Variants in WDR43 observed in about 807,000 individuals in gnomAD.
WDR43 encodes the protein WD repeat-containing protein 43.
A neutral mutation model predicts 91.4 loss-of-function variants in WDR43; 13 were observed. The ratio of observed to expected loss-of-function variants is 0.14; its 90% confidence interval spans 0.09 to 0.23. The LOEUF is 0.23. Ranked by LOEUF, WDR43 falls within the 10% of genes least tolerant of loss-of-function variation. The pLI, the probability that WDR43 is intolerant of heterozygous loss-of-function variation, is 1.00. For missense variants in WDR43, 780 were observed against 809.4 expected (o/e 0.96, Z 0.44); for synonymous variants, 331 against 287.9 (o/e 1.15, Z -1.51).
At chr2:28,904,158 G>C (rs187946757) in intron 2 of WDR43, among the ~76,000 whole-genome samples, 1 of 151,962 alleles carries the variant, frequency 6.6e-6, no homozygotes, top group Non-Finnish European at 1.5e-5. Context: ...ATACATCTTC[G>C]ACAGGGATGA....
At chr2:28,933,914 T>C (rs925708392) in intron 11 of WDR43, among the ~76,000 whole-genome samples, 2 of 152,200 alleles carry the variant, frequency 1.3e-5, no homozygotes, top group African/African-American at 2.4e-5. Flanking sequence ...ATAACTACTT[T>C]GGAAAACAAT....
chr2:28,942,342 A>C lies in WDR43; in HGVS notation c.1765A>C (p.Thr589Pro), dbSNP rs774215345. The change falls in exon 16 of 18, where the codon ACT becomes CCT. Residue 589 changes from threonine (T) to proline (P), a missense_variant. Physicochemically the swap from Thr to Pro is conservative, Grantham distance 38. Around this residue, in one of 4 missense-constraint regions of WDR43, gnomAD observed 426 missense variants for 467.8 expected, o/e 0.91. Coordinates refer to ENST00000407426, the MANE Select transcript of WDR43 (RefSeq NM_015131.3). ...VTASEKTKGA[T>P]SPGQKAKLVY... ...AGCATCAGAGAAGACAAAGGGAGCA[A>C]CTTCCCCTGGACAGAAGGCAAAGTT... 2 of 1,613,582 alleles carry C rather than the reference A, an allele frequency of 1.2e-6. No individual in the cohort carries two copies. Among genetic ancestry groups the C allele is most frequent in the Non-Finnish European group, 8.5e-7 (1 of 1,179,690 alleles).
chr2:28,925,259 CT>C, intron 8 of WDR43, 106 bp downstream of exon 8: 1 of 1,123,742 alleles, frequency 8.9e-7, no homozygotes, highest in South Asian at 2.4e-5. Flanking sequence ...ATAATATATT[CT>C]TTTTTAATTA....
At position 28,912,609 on chromosome 2, in the gene WDR43, A is replaced by G. The variant is rs569248246; in HGVS notation, c.505A>G (p.Ser169Gly). The stretch of plus-strand genomic sequence containing the variant: ...ATATAGCAAATGGAAAGGCGACAAT[A>G]GCAGTGTCAGTTCCCTATGTATCAG... The part of the protein sequence containing the change: ...KVKCKWKGDN[S>G]SVSSLCISPD... Residue 169 changes from serine (S) to glycine (G), a missense_variant, in exon 4 of 18, where the codon AGC becomes GGC. By Grantham distance (56) the Ser-to-Gly change is moderately conservative (BLOSUM62 0). Around this residue, in one of 4 missense-constraint regions of WDR43, gnomAD observed 174 missense variants for 207.3 expected, o/e 0.84. Coordinates refer to ENST00000407426, the MANE Select transcript of WDR43 (RefSeq NM_015131.3). The G allele has an allele frequency of 8.7e-5, 141 of 1,613,934 alleles. No individual in the cohort carries two copies. Among genetic ancestry groups the G allele is most frequent in the Admixed American group, 7.3e-4 (44 of 60,018 alleles).
At chr2:28,934,912 G>A (rs982919889) in intron 11 of WDR43, among the ~76,000 whole-genome samples, 1 of 152,122 alleles carries the variant, frequency 6.6e-6, no homozygotes. Context: ...AAAGCATGTG[G>A]GGCTTGAAGA....
chr2:28,937,266 C>G (rs760231386), intron 13 of WDR43, among the ~76,000 whole-genome samples: 1 of 152,098 alleles, frequency 6.6e-6, no homozygotes, highest in Non-Finnish European at 1.5e-5. Context: ...GCTTAAGACT[C>G]TGTAAAAATA....
intron 4 of WDR43, chr2:28,913,572 AT>A (rs1482790904): frequency 1.1e-5 from 5 of 457,020 alleles, no homozygotes; most frequent in Middle Eastern, 3.5e-4. Flanking sequence ...TACATCCAGC[AT>A]TTAGTCCACT....
intron 1 of WDR43, among the ~76,000 whole-genome samples, chr2:28,899,761 T>A (rs2148177181): frequency 6.6e-6 from 1 of 152,344 alleles, no homozygotes; most frequent in African/African-American, 2.4e-5. Flanking sequence ...ACATTGGTTA[T>A]ATACACTTCT....
chr2:28,900,013 G>C (rs1214041464), intron 1 of WDR43, among the ~76,000 whole-genome samples: 1 of 152,068 alleles, frequency 6.6e-6, no homozygotes, highest in Non-Finnish European at 1.5e-5. Context: ...ACTATGTTAT[G>C]CTTGACATAG....
intron 7 of WDR43, 137 bp from the exon 8 acceptor site, chr2:28,924,845 C>T: frequency 1.1e-6 from 1 of 950,494 alleles, no homozygotes; most frequent in Admixed American, 2.6e-5. Context: ...TACTCATGCT[C>T]CGGAGACCCA....
At chr2:28,930,948 C>G (rs1199099568) in intron 11 of WDR43, among the ~76,000 whole-genome samples, 1 of 152,118 alleles carries the variant, frequency 6.6e-6, no homozygotes, top group African/African-American at 2.4e-5. Context: ...CCCCATTCAA[C>G]TTAAAACATC....
chr2:28,916,921 TTTGA>T (rs747049786), intron 5 of WDR43, among the ~76,000 whole-genome samples: 23 of 152,344 alleles, frequency 1.5e-4, no homozygotes, highest in African/African-American at 2.9e-4. Flanking sequence ...TGCATATGTT[TTTGA>T]TTGATTAACT....
At position 28,941,500 on chromosome 2, in the gene WDR43, T is replaced by C. The variant is rs1436400572; in HGVS notation, c.1660T>C (p.Leu554=). ...LVPQLGTLYQ[L]MESRVKTFQK... is the part of the protein sequence containing the mutation. ...ACCCCAGCTGGGGACACTCTACCAG[T>C]TAATGGAAAGCAGAGTCAAAACTTT... Residue 554 remains leucine (L), a synonymous_variant, in exon 15 of 18, where the codon TTA becomes CTA. Coordinates refer to ENST00000407426, the MANE Select transcript of WDR43 (RefSeq NM_015131.3). 1 of 1,613,560 alleles carries C rather than the reference T, an allele frequency of 6.2e-7. No individual in the cohort carries two copies. The highest frequency in any genetic ancestry group is 8.5e-7 in the Non-Finnish European group (1 of 1,179,788).
At chr2:28,913,936 A>G in intron 4 of WDR43, 133 bp from the exon 5 acceptor site, 1 of 1,031,024 alleles carries the variant, frequency 9.7e-7, no homozygotes, top group Non-Finnish European at 1.4e-6. Flanking sequence ...TTAGAATTGA[A>G]TTGAACAGTT....
At chr2:28,916,414 C>T (rs979877646) in intron 5 of WDR43, among the ~76,000 whole-genome samples, 1 of 152,064 alleles carries the variant, frequency 6.6e-6, no homozygotes, top group African/African-American at 2.4e-5. Context: ...TCCTCATCAA[C>T]ACTTGGTATA....
intron 1 of WDR43, among the ~76,000 whole-genome samples, chr2:28,901,457 A>G (rs1011573617): frequency 2.0e-5 from 3 of 152,246 alleles, no homozygotes; most frequent in African/African-American, 7.2e-5. Flanking sequence ...AGTTAAAGCT[A>G]TTTGTTGACT....
At chr2:28,901,956 A>T in intron 1 of WDR43, 31 bp from the exon 2 acceptor site, 2 of 1,572,390 alleles carry the variant, frequency 1.3e-6, no homozygotes, top group Non-Finnish European at 1.7e-6. Flanking sequence ...TTGCAATACT[A>T]AATAAAAACA....
intron 5 of WDR43, 78 bp downstream of exon 5, chr2:28,914,286 T>C (rs1670864723): frequency 1.4e-6 from 2 of 1,434,918 alleles, no homozygotes; most frequent in South Asian, 3.0e-5. Flanking sequence ...AAATTATGAA[T>C]ATGGGACTTT....
intron 6 of WDR43, among the ~76,000 whole-genome samples, chr2:28,921,896 TG>T (rs1671036238): frequency 6.6e-6 from 1 of 152,126 alleles, no homozygotes; most frequent in Admixed American, 6.5e-5. Context: ...GTATTTTTTG[TG>T]CAAATAGAGT....
Sources: allele counts gnomAD v4.1 joint callset (sites outside exome capture counted in the v4.1 genomes callset), GRCh38; gene constraint gnomAD v4.1.1; regional missense constraint gnomAD v4.1.1; transcripts MANE v1.5; gene names NCBI Gene and HGNC (gene_info 2026-07-23, HGNC 2026-07-21).